The following BMPR2 variants were observed in gnomAD, a reference collection of about 807,000 sequenced individuals.
The protein encoded by BMPR2 is bone morphogenetic protein receptor type 2.
In BMPR2, 29 loss-of-function variants were observed where a neutral mutation model predicts 100.8. The ratio of observed to expected loss-of-function variants is 0.29; its 90% CI spans 0.21 to 0.39. The LOEUF is 0.39. BMPR2 is among the 10% of genes least tolerant of loss of function. The probability of loss-of-function intolerance (pLI) is 1.00; values close to 1 mark genes in which losing one functional copy is unlikely to be tolerated. For missense variants in BMPR2, 1,011 were observed against 1,274.5 expected, an observed-to-expected ratio of 0.79 and a Z score of 3.15; for synonymous variants, 382 against 442.3, an observed-to-expected ratio of 0.86 and a Z score of 1.71.
Position 202,446,393 on chromosome 2 carries a change from C to T in BMPR2, c.77-18416C>T, listed in dbSNP as rs192838436. The stretch of plus-strand genomic sequence containing the variant: ...AGCTGGGGCAACAAGAGCGAAACTC[C>T]GTCTCAAAAAAAAAAGAAAGAAAAT... On this transcript the variant is annotated intron_variant, in intron 1 of 12. Coordinates refer to ENST00000374580, the MANE Select transcript of BMPR2 (RefSeq NM_001204.7). Among the ~76,000 whole-genome samples, 18 of 148,200 alleles carry T rather than the reference C, an allele frequency of 1.2e-4. 1 individual carries two copies. The highest frequency in any genetic ancestry group is 4.2e-4 in the South Asian group (2 of 4,776).
At chr2:202,416,146 A>G (rs1691120663) in intron 1 of BMPR2, among the ~76,000 whole-genome samples, 1 of 152,214 alleles carries the variant, frequency 6.6e-6, no homozygotes, top group Admixed American at 6.5e-5. Context: ...TAAAGACTTC[A>G]GTGGAGGAAG....
chr2:202,399,222 G>T (rs1012520942), intron 1 of BMPR2, among the ~76,000 whole-genome samples: 7 of 152,292 alleles, frequency 4.6e-5, no homozygotes, highest in African/African-American at 1.7e-4. Flanking sequence ...ATATTAGAGG[G>T]TAATTGGGGA....
At chr2:202,451,729 G>A (rs1691989695) in intron 1 of BMPR2, among the ~76,000 whole-genome samples, 1 of 152,142 alleles carries the variant, frequency 6.6e-6, no homozygotes, top group African/African-American at 2.4e-5. Flanking sequence ...ACAATTTGAT[G>A]AGTTTTTGTT....
In BMPR2 at chr2:202,503,824, G is replaced by C. The variant is rs1477712645; in HGVS notation, c.419-9895G>C. ...GTGTGGGATCCACTGGGTGAAGCCA[G>C]CTGGGCTCCTGAGTCTGGTGGGGAC... On this transcript the variant is annotated intron_variant, in intron 3 of 12. Coordinates refer to ENST00000374580, the MANE Select transcript of BMPR2 (RefSeq NM_001204.7). The surrounding 1 kb of genome is among the most constrained non-coding windows in gnomAD (Gnocchi z 4.0). Among the ~76,000 whole-genome samples, 2 of 152,242 alleles carry C rather than the reference G, an allele frequency of 1.3e-5. No individual in the cohort carries two copies. The highest frequency in any genetic ancestry group is 4.8e-5 in the African/African-American group (2 of 41,468).
At chr2:202,424,376 GAAA>G (rs55785585) in intron 1 of BMPR2, among the ~76,000 whole-genome samples, 2 of 142,122 alleles carry the variant, frequency 1.4e-5, no homozygotes, top group East Asian at 4.5e-4. Flanking sequence ...TTCGTCTGAA[GAAA>G]AAAAAAAAAA....
intron 12 of BMPR2, among the ~76,000 whole-genome samples, chr2:202,558,527 C>G (rs186752596): frequency 6.6e-6 from 1 of 152,296 alleles, no homozygotes; most frequent in Non-Finnish European, 1.5e-5. Context: ...GAAAATTTAG[C>G]CCCTTGCTTG....
At chr2:202,402,647 A>AG (rs1690788654) in intron 1 of BMPR2, among the ~76,000 whole-genome samples, 1 of 141,788 alleles carries the variant, frequency 7.1e-6, no homozygotes, top group East Asian at 2.1e-4. Flanking sequence ...CAAAACTTGC[A>AG]TTGTGTGTGT....
chr2:202,434,399 G>A (rs1437249180), intron 1 of BMPR2, among the ~76,000 whole-genome samples: 2 of 150,282 alleles, frequency 1.3e-5, no homozygotes, highest in Non-Finnish European at 2.9e-5. Flanking sequence ...TTTCTGGAGG[G>A]CCAAAGAATG....
At chr2:202,413,052 A>G (rs369933251) in intron 1 of BMPR2, among the ~76,000 whole-genome samples, 3 of 152,320 alleles carry the variant, frequency 2.0e-5, no homozygotes, top group East Asian at 1.9e-4. Flanking sequence ...TAGTCATATA[A>G]GGATATCTAT....
At chr2:202,397,655 C>T (rs7588864) in intron 1 of BMPR2, among the ~76,000 whole-genome samples, 16,512 of 151,374 alleles carry the variant, frequency 0.11, 1,056 homozygotes, top group Non-Finnish European at 0.13. Context: ...CATGCCACCA[C>T]GCCCACCTAA....
At chr2:202,399,818 T>A (rs998914931) in intron 1 of BMPR2, among the ~76,000 whole-genome samples, 1 of 151,934 alleles carries the variant, frequency 6.6e-6, no homozygotes, top group Non-Finnish European at 1.5e-5. Context: ...GGATTTAGAG[T>A]GTATAGTTGA....
At chr2:202,537,567 A>T (rs925809698) in intron 9 of BMPR2, among the ~76,000 whole-genome samples, 19 of 152,188 alleles carry the variant, frequency 1.2e-4, no homozygotes, top group African/African-American at 4.6e-4. Flanking sequence ...GTTTGGGAAG[A>T]TAGAAACAGT....
At chr2:202,384,332 T>C (rs1221498229) in intron 1 of BMPR2, among the ~76,000 whole-genome samples, 1 of 152,218 alleles carries the variant, frequency 6.6e-6, no homozygotes, top group Non-Finnish European at 1.5e-5. Context: ...GTGCAATCAT[T>C]CACGTCTTAA....
chr2:202,476,673 C>T (rs995439152), intron 3 of BMPR2, among the ~76,000 whole-genome samples: 3 of 151,920 alleles, frequency 2.0e-5, no homozygotes, highest in Admixed American at 6.6e-5. Flanking sequence ...CCTGTAATCC[C>T]GGTTACTTGG....
chr2:202,428,822 T>C (rs967137370), intron 1 of BMPR2, among the ~76,000 whole-genome samples: 1 of 152,230 alleles, frequency 6.6e-6, no homozygotes, highest in Non-Finnish European at 1.5e-5. Flanking sequence ...TCTTGATATC[T>C]TGGCATTTTC....
intron 9 of BMPR2, among the ~76,000 whole-genome samples, chr2:202,533,700 G>T (rs528166493): frequency 2.6e-5 from 4 of 152,116 alleles, no homozygotes; most frequent in Non-Finnish European, 5.9e-5. Flanking sequence ...GCGAGCACCT[G>T]TAGTCCCAGC....
At chr2:202,437,280 A>G (rs1241911664) in intron 1 of BMPR2, among the ~76,000 whole-genome samples, 3 of 150,776 alleles carry the variant, frequency 2.0e-5, no homozygotes, top group Non-Finnish European at 2.9e-5. Flanking sequence ...CTGGGATTAC[A>G]GGCGTGAGCC....
At chr2:202,482,724 A>G (rs1282004916) in intron 3 of BMPR2, among the ~76,000 whole-genome samples, 3 of 152,088 alleles carry the variant, frequency 2.0e-5, no homozygotes, top group Non-Finnish European at 4.4e-5. Flanking sequence ...TATTTTTAGT[A>G]GAGACAGGGT....
chr2:202,418,725 G>A (rs778240906), intron 1 of BMPR2, among the ~76,000 whole-genome samples: 13 of 152,172 alleles, frequency 8.5e-5, no homozygotes, highest in Non-Finnish European at 1.6e-4. Flanking sequence ...TAAGGGGTGG[G>A]GGAGACCAAG....
Sources: gnomAD v4.1 joint callset for allele counts (sites outside exome capture counted in the v4.1 genomes callset) on GRCh38, gnomAD v4.1.1 for gene constraint, Gnocchi (gnomAD v3.1) non-coding constraint, MANE v1.5 for transcripts, NCBI Gene and HGNC (gene_info 2026-07-23, HGNC 2026-07-21) for gene names.